PCDH15: variants seen among roughly 807,000 people sequenced by gnomAD.
The protein encoded by PCDH15 is protocadherin-15.
In PCDH15, 129 loss-of-function variants were observed where a neutral mutation model predicts 178.5. The observed-to-expected ratio is 0.72, with a 90% CI of 0.63 to 0.84. The LOEUF is 0.84. PCDH15 is among the 40% of genes least tolerant of loss of function. The pLI, the probability that PCDH15 is intolerant of heterozygous loss-of-function variation, is 0.00. For missense variants in PCDH15, 2,230 were observed against 2,099.9 expected, an observed-to-expected ratio of 1.06 and a Z score of -1.21; for synonymous variants, 800 against 732.0, an observed-to-expected ratio of 1.09 and a Z score of -1.50.
At chr10:54,307,104 GTATATATATATATATATATATATATA>G (rs1170885233) in intron 8 of PCDH15, among the ~76,000 whole-genome samples, 2 of 26,560 alleles carry the variant, frequency 7.5e-5, no homozygotes, top group African/African-American at 1.7e-4. Context: ...GTGTGTGTGT[GTATATATATATATATATATATATATA>G]TATATATATA....
intron 2 of PCDH15, among the ~76,000 whole-genome samples, chr10:55,006,781 T>G (rs1305036145): frequency 2.0e-5 from 3 of 152,202 alleles, no homozygotes; most frequent in Non-Finnish European, 2.9e-5. Context: ...CTTTAATATT[T>G]AATGACTGCC....
chr10:54,131,646 C>A (rs2042445875), intron 15 of PCDH15, among the ~76,000 whole-genome samples: 2 of 151,940 alleles, frequency 1.3e-5, no homozygotes, highest in South Asian at 4.2e-4. Context: ...AGAAAAGCAA[C>A]AGAATAAATA....
At chr10:53,934,956 TA>T (rs370478961) in intron 25 of PCDH15, among the ~76,000 whole-genome samples, 37 of 147,490 alleles carry the variant, frequency 2.5e-4, no homozygotes, top group Admixed American at 1.8e-3. Context: ...AGTCTAGAAT[TA>T]AAAAAAAAAT....
chr10:55,446,170 G>A (rs1016519307), intron 2 of PCDH15, among the ~76,000 whole-genome samples: 3 of 151,504 alleles, frequency 2.0e-5, no homozygotes, highest in Non-Finnish European at 4.4e-5. Flanking sequence ...ATGTAGTTGA[G>A]AAGCACATTG....
chr10:54,788,969 A>G (rs1030751922), intron 1 of PCDH15, among the ~76,000 whole-genome samples: 1 of 151,892 alleles, frequency 6.6e-6, no homozygotes, highest in African/African-American at 2.4e-5. Context: ...CCTATATGAA[A>G]CTTTCAAAGA....
chr10:54,723,070 T>C (rs1591288457), intron 1 of PCDH15, among the ~76,000 whole-genome samples: 1 of 151,462 alleles, frequency 6.6e-6, no homozygotes, highest in Non-Finnish European at 1.5e-5. Context: ...GGAAGCAAAA[T>C]AGATCCCAAA....
At chr10:54,797,739 C>T (rs115849721) in intron 1 of PCDH15, among the ~76,000 whole-genome samples, 2 of 151,884 alleles carry the variant, frequency 1.3e-5, no homozygotes, top group African/African-American at 2.4e-5. Flanking sequence ...TGTTGTCCTT[C>T]GGACAGAATA....
At position 54,099,600 on chromosome 10, in the gene PCDH15, C is replaced by T. The variant is rs552927863; in HGVS notation, c.1918-9537G>A. 1.0e-4 allele frequency among the ~76,000 whole-genome samples: 15 copies of T among 150,550 alleles called. No homozygotes were observed. The South Asian group carries it at 2.7e-3, about 27-fold the overall frequency. On this transcript the variant is annotated intron_variant, in intron 15 of 37. Coordinates refer to ENST00000644397, the MANE Select transcript of PCDH15 (RefSeq NM_001384140.1). ...AAGATCAATTGTCCATTAAGCCCCA[C>T]ACATCACAGCACTACTTATAGATAA...
At chr10:54,792,741 C>A (rs1007344759) in intron 1 of PCDH15, among the ~76,000 whole-genome samples, 2 of 151,824 alleles carry the variant, frequency 1.3e-5, no homozygotes, top group African/African-American at 4.8e-5. Context: ...GGGACAATTT[C>A]TTGTCTATCT....
rs375177086 is a variant in PCDH15 at position 54,124,163 on chromosome 10, C to T, written c.1917+8712G>A. Among the ~76,000 whole-genome samples the T allele has an allele frequency of 4.6e-5, 7 of 151,264 alleles. No individual in the cohort carries two copies. In the East Asian group the frequency reaches 7.8e-4, roughly 17 times the overall value. On this transcript the variant is annotated intron_variant, in intron 15 of 37. Coordinates refer to ENST00000644397, the MANE Select transcript of PCDH15 (RefSeq NM_001384140.1). Reference sequence around the variant, plus strand: ...TGTACCCTTTGAATCTAAATAAAAACGGAAAAATAAAGAATGGCAAAATTA... The same window carrying T: ...TGTACCCTTTGAATCTAAATAAAAATGGAAAAATAAAGAATGGCAAAATTA...
intron 20 of PCDH15, among the ~76,000 whole-genome samples, chr10:54,004,431 C>T (rs1160244509): frequency 8.6e-6 from 1 of 116,246 alleles, no homozygotes; most frequent in East Asian, 2.6e-4. Context: ...ACACACCACA[C>T]AAAGTATTAG....
In PCDH15 at chr10:54,022,872, A is replaced by G; in HGVS notation, c.2526+20T>C. ...TCTCCTAATGTAGGATTCATGTAAT[A>G]AATGCTTTTTCCCACACACCTCTAT... On this transcript the variant is annotated intron_variant, in intron 19 of 37. Transcript: ENST00000644397. The G allele has an allele frequency of 6.2e-7, 1 of 1,612,812 alleles. No homozygotes were observed. The highest frequency in any genetic ancestry group is 1.3e-5 in the African/African-American group (1 of 75,018).
intron 2 of PCDH15, among the ~76,000 whole-genome samples, chr10:55,019,195 C>T (rs1199290834): frequency 1.4e-5 from 2 of 141,746 alleles, no homozygotes; most frequent in East Asian, 2.0e-4. Context: ...CAGACGAATA[C>T]ATTTATTTCC....
rs2048333191 is a variant in PCDH15, at chr10:54,184,721, C to T, written c.1440+413G>A. On this transcript the variant is annotated intron_variant, in intron 12 of 37. Transcript: ENST00000644397. ...CAAACAAAAATGCCTCCAGATGTTG[C>T]TAAATGTTCACTGGAGGGAAAATTT... Among the ~76,000 whole-genome samples the T allele has an allele frequency of 2.0e-5, 3 of 151,790 alleles. No homozygotes were observed. In the South Asian group the frequency reaches 6.2e-4, roughly 31 times the overall value.
chr10:55,237,216 A>T (rs1841406672), intron 1 of PCDH15, among the ~76,000 whole-genome samples: 1 of 152,094 alleles, frequency 6.6e-6, no homozygotes, highest in South Asian at 2.1e-4. Flanking sequence ...AATGCACTAT[A>T]TTGGTAGAGC....
At chr10:54,253,851 TTTAA>T (rs2056695369) in intron 8 of PCDH15, among the ~76,000 whole-genome samples, 1 of 152,028 alleles carries the variant, frequency 6.6e-6, no homozygotes, top group Non-Finnish European at 1.5e-5. Context: ...ATACTGTATT[TTTAA>T]TTTAATAGAA....
Position 54,118,654 on chromosome 10 carries a change from T to A in PCDH15, c.1917+14221A>T, listed in dbSNP as rs188806399. ...TAGCCTGGGCAACAGAGTGAGACTC[T>A]GTGTCAAAAATAAATAAATAAATAA... is the stretch of plus-strand genomic sequence containing the variant. On this transcript the variant is annotated intron_variant, in intron 15 of 37. Coordinates refer to ENST00000644397, the MANE Select transcript of PCDH15 (RefSeq NM_001384140.1). Among the ~76,000 whole-genome samples the A allele has an allele frequency of 2.5e-3, 386 of 152,038 alleles. 2 individuals are homozygous for A. The highest frequency in any genetic ancestry group is 4.4e-3 in the Non-Finnish European group (300 of 67,992).
intron 2 of PCDH15, among the ~76,000 whole-genome samples, chr10:55,622,199 CAGGGTCT>C (rs1378437086): frequency 3.1e-5 from 3 of 97,916 alleles, no homozygotes; most frequent in Admixed American, 3.1e-4. Flanking sequence ...TTTATGTAGA[CAGGGTCT>C]CACTATGCTG....
At chr10:54,187,496 C>T (rs1044150481) in intron 11 of PCDH15, among the ~76,000 whole-genome samples, 1 of 151,944 alleles carries the variant, frequency 6.6e-6, no homozygotes, top group South Asian at 2.1e-4. Flanking sequence ...AAATGCTTTT[C>T]GTTTGAAGAT....
Sources: gnomAD v4.1 joint callset for allele counts (sites outside exome capture counted in the v4.1 genomes callset) on GRCh38, gnomAD v4.1.1 for gene constraint, MANE v1.5 for transcripts, NCBI Gene and HGNC (gene_info 2026-07-23, HGNC 2026-07-21) for gene names.